NWD1: variants seen among roughly 807,000 people sequenced by gnomAD.
The protein encoded by NWD1 is NACHT and WD repeat domain containing 1.
In NWD1, 129 loss-of-function variants were observed where a neutral mutation model predicts 135.1. The observed-to-expected ratio is 0.96, with a 90% CI of 0.83 to 1.11. The LOEUF (loss-of-function observed/expected upper bound fraction) is 1.11. NWD1 is among the 50% of genes least tolerant of loss of function. NWD1 has a pLI of 0.00. For synonymous variants in NWD1, 773 were observed against 786.0 expected, an observed-to-expected ratio of 0.98 and a Z score of 0.28; for missense variants, 1,740 against 1,851.3, an observed-to-expected ratio of 0.94 and a Z score of 1.10.
chr19:16,798,753 AG>A (rs1405786207), intron 16 of NWD1, among the ~76,000 whole-genome samples: 1 of 151,974 alleles, frequency 6.6e-6, no homozygotes, highest in African/African-American at 2.4e-5. Context: ...CAGCCTCGCA[AG>A]TAGCTGGGAT....
At chr19:16,737,129 C>T (rs910706092) in intron 4 of NWD1, among the ~76,000 whole-genome samples, 25 of 152,090 alleles carry the variant, frequency 1.6e-4, no homozygotes, top group African/African-American at 5.6e-4. Flanking sequence ...ATTTTTTTTC[C>T]TCCATGTGCC....
At chr19:16,790,632 T>TAAA (rs57075970) in intron 13 of NWD1, among the ~76,000 whole-genome samples, 79 of 47,394 alleles carry the variant, frequency 1.7e-3, no homozygotes, top group Middle Eastern at 0.017. Context: ...AAAGTAACAT[T>TAAA]AAAAAAAAAT....
chr19:16,729,107 C>T (rs1967451815), intron 2 of NWD1, among the ~76,000 whole-genome samples: 1 of 152,044 alleles, frequency 6.6e-6, no homozygotes, highest in East Asian at 1.9e-4. Flanking sequence ...CTCCTGGACC[C>T]TCTGTTTCCT....
chr19:16,792,702 C>T (rs928922792), intron 14 of NWD1, among the ~76,000 whole-genome samples: 1 of 148,000 alleles, frequency 6.8e-6, no homozygotes, highest in Non-Finnish European at 1.5e-5. Context: ...CAAAAAACAA[C>T]AGCAACAAAA....
At chr19:16,736,775 T>C in intron 4 of NWD1, 25 bp downstream of exon 4, 5 of 1,281,630 alleles carry the variant, frequency 3.9e-6, no homozygotes, top group Non-Finnish European at 4.4e-6. Flanking sequence ...AGGAATGGGT[T>C]AGCTCTTACT....
At chr19:16,812,837 G>C (rs757647445) in intron 18 of NWD1, 1 of 781,040 alleles carries the variant, frequency 1.3e-6, no homozygotes, top group Non-Finnish European at 2.4e-6. Context: ...TACTTGTTTG[G>C]AGTGTGCTGG....
intron 18 of NWD1, 43 bp from the exon 19 acceptor site, chr19:16,814,985 C>T: frequency 6.3e-7 from 1 of 1,590,288 alleles, no homozygotes; most frequent in African/African-American, 1.3e-5. Context: ...TGGACCTCTA[C>T]ACCCCATTTT....
chr19:16,776,569 C>CA (rs112573511), intron 11 of NWD1, among the ~76,000 whole-genome samples: 15,027 of 102,954 alleles, frequency 0.15, 1,441 homozygotes, highest in African/African-American at 0.32. Flanking sequence ...CTCCGTCTCA[C>CA]AAAAAAAAAA....
chr19:16,782,909 C>T (rs28794302), intron 12 of NWD1, among the ~76,000 whole-genome samples: 2 of 110,004 alleles, frequency 1.8e-5, no homozygotes, highest in Non-Finnish European at 3.3e-5. Context: ...TCCTTCCTTC[C>T]TTCTTTCCTT....
At chr19:16,736,859 A>G (rs1599435624) in intron 4 of NWD1, 109 bp downstream of exon 4, 8 of 711,668 alleles carry the variant, frequency 1.1e-5, no homozygotes. Context: ...CTGCTTTCGT[A>G]CCTTATCCCT....
chr19:16,728,801 A>G (rs1014644740), intron 2 of NWD1, among the ~76,000 whole-genome samples: 63 of 151,534 alleles, frequency 4.2e-4, no homozygotes, highest in African/African-American at 1.3e-3. Flanking sequence ...AAAATTAGCT[A>G]GGCGTGGTGG....
At chr19:16,797,178 TC>T (rs1267450001) in intron 15 of NWD1, among the ~76,000 whole-genome samples, 3 of 142,564 alleles carry the variant, frequency 2.1e-5, no homozygotes, top group African/African-American at 2.6e-5. Flanking sequence ...AGACTCCATC[TC>T]AAAAAAAAAA....
chr19:16,787,898 AATAATAATCATCATCATC>A (rs1278966219), intron 12 of NWD1, among the ~76,000 whole-genome samples: 16 of 84,730 alleles, frequency 1.9e-4, no homozygotes, highest in African/African-American at 7.8e-4. Context: ...TAATAATAAT[AATAATAATCATCATCATC>A]ATCATCATCA....
intron 12 of NWD1, among the ~76,000 whole-genome samples, chr19:16,780,619 TCTTTC>T (rs552516881): frequency 1.7e-4 from 26 of 152,124 alleles, no homozygotes; most frequent in African/African-American, 4.6e-4. Flanking sequence ...TTTTCTTTTC[TCTTTC>T]CTTTCCTTTC....
intron 3 of NWD1, among the ~76,000 whole-genome samples, chr19:16,733,949 T>C (rs1967684054): frequency 1.3e-5 from 2 of 152,062 alleles, no homozygotes; most frequent in Admixed American, 6.6e-5. Context: ...TAAGAATCTA[T>C]GTGTCTTTCT....
In NWD1 at chr19:16,800,240, A is replaced by G. The variant is rs538776602; in HGVS notation, c.3736+78A>G. 4.5e-5 allele frequency: 62 copies of G among 1,384,298 alleles called. 1 individual carries two copies. The South Asian group carries it at 7.9e-4, about 18-fold the overall frequency. The allele number at this position is 1,384,298 out of a possible 1,614,324, so 85.8% of individuals were successfully genotyped here. ...GTCTTAGTTTAGGCTACTGTAACAA[A>G]TCATCCCCACAGGCTGGGCCCCATG... On this transcript the variant is annotated intron_variant, in intron 17 of 18. Coordinates refer to ENST00000524140, the MANE Select transcript of NWD1 (RefSeq NM_001007525.5).
intron 4 of NWD1, among the ~76,000 whole-genome samples, chr19:16,740,310 A>T (rs1022482047): frequency 6.6e-6 from 1 of 151,978 alleles, no homozygotes; most frequent in Non-Finnish European, 1.5e-5. Context: ...TAAGAAAAAA[A>T]GAAGAAAAAA....
At position 16,763,839 on chromosome 19, in the gene NWD1, G is replaced by A. The variant is rs1239531966; in HGVS notation, c.2145G>A (p.Gln715=). Reference sequence around the variant, plus strand: ...TTCTCCTCTGCCAGGTGGCCCCGCAGCCTCTGTGGTTCTCACATACGGTTG... The same window carrying A: ...TTCTCCTCTGCCAGGTGGCCCCGCAACCTCTGTGGTTCTCACATACGGTTG... ...PLNLDRKVAP[Q]PLWFSHTVAN... The change falls in exon 9 of 19, where the codon CAG becomes CAA. Residue 715 remains glutamine, a synonymous_variant. Coordinates refer to ENST00000524140, the MANE Select transcript of NWD1 (RefSeq NM_001007525.5). The A allele has an allele frequency of 4.3e-6, 7 of 1,612,938 alleles. No individual in the cohort carries two copies. In the East Asian group the frequency reaches 6.7e-5, roughly 15 times the overall value.
chr19:16,761,271 C>T (rs1968999206), intron 7 of NWD1, among the ~76,000 whole-genome samples: 1 of 152,062 alleles, frequency 6.6e-6, no homozygotes, highest in Non-Finnish European at 1.5e-5. Flanking sequence ...TATGGATGGA[C>T]ACTTGCATTG....
Sources: allele counts gnomAD v4.1 joint callset (sites outside exome capture counted in the v4.1 genomes callset), GRCh38; gene constraint gnomAD v4.1.1; transcripts MANE v1.5; gene names NCBI Gene and HGNC (gene_info 2026-07-23, HGNC 2026-07-21).